The following NPIPB11 variants were observed in gnomAD, a reference collection of about 807,000 sequenced individuals.
NPIPB11 encodes nuclear pore complex-interacting protein family member B11.
A neutral mutation model predicts 32.8 loss-of-function variants in NPIPB11; 17 were observed. The observed-to-expected ratio is 0.52, with a 90% CI of 0.35 to 0.78. NPIPB11 has a LOEUF of 0.78. Ranked by LOEUF, NPIPB11 falls within the 30% of genes least tolerant of loss-of-function variation. The pLI, the probability that NPIPB11 is intolerant of heterozygous loss-of-function variation, is 0.01. For synonymous variants in NPIPB11, 209 were observed against 398.4 expected, an observed-to-expected ratio of 0.52 and a Z score of 5.66; for missense variants, 537 against 1,000.4, an observed-to-expected ratio of 0.54 and a Z score of 6.25.
intron 2 of NPIPB11, among the ~76,000 whole-genome samples, chr16:29,399,844 T>C: frequency 6.6e-6 from 1 of 151,968 alleles, no homozygotes; most frequent in East Asian, 1.9e-4. Flanking sequence ...TTTGGGAGGC[T>C]GAGGCAGGCG....
Position 29,381,457 on chromosome 16 carries a change from T to TCC in NPIPB11, c.3473_3474dup (p.Arg1159GlyfsTer3). ...GCACTGGCCTCTTCTCAGCTCAACC[T>TCC]CCGCCTCTTGGGTTCGGGTGATGAT... On this transcript the variant is annotated frameshift_variant, in exon 8 of 8. Transcript: ENST00000524087. LOFTEE classifies it high-confidence loss of function. 1 of 1,301,880 alleles carries TCC rather than the reference T, an allele frequency of 7.7e-7. No individual in the cohort carries two copies. Among genetic ancestry groups the TCC allele is most frequent in the East Asian group, 2.5e-5 (1 of 39,510 alleles). The allele number at this position is 1,301,880 out of a possible 1,614,324, so 80.6% of individuals were successfully genotyped here.
exon 3 of NPIPB11, chr16:29,394,036 T>G (rs1963787992): frequency 6.3e-7 from 1 of 1,599,406 alleles, no homozygotes; most frequent in Admixed American, 1.7e-5. Context: ...TCCACCAAAG[T>G]CAGTCCCACG....
At chr16:29,382,355 T>G in exon 8 of NPIPB11, 4 of 538,648 alleles carry the variant, frequency 7.4e-6, no homozygotes, top group South Asian at 3.9e-5. Flanking sequence ...GGAAGGGGAG[T>G]GAGCTGACGC....
upstream of NPIPB11, among the ~76,000 whole-genome samples, chr16:29,405,304 C>A (rs1457348801): frequency 6.6e-6 from 1 of 151,718 alleles, no homozygotes; most frequent in Non-Finnish European, 1.5e-5. Flanking sequence ...CTTTTCTGCC[C>A]TCCAAGACTG....
chr16:29,389,367 T>TAAAAA (rs1175211779), intron 5 of NPIPB11, among the ~76,000 whole-genome samples: 22 of 58,630 alleles, frequency 3.8e-4, no homozygotes, highest in Non-Finnish European at 5.7e-4. Context: ...ATCTCAAAAT[T>TAAAAA]AAAAAAAAAA....
chr16:29,399,623 A>C (rs372410800), intron 2 of NPIPB11, among the ~76,000 whole-genome samples: 170 of 151,124 alleles, frequency 1.1e-3, no homozygotes, highest in Admixed American at 3.4e-3. Flanking sequence ...GTTTGAACCC[A>C]GGAGGCAGAG....
At chr16:29,406,163 A>G (rs1964108226), upstream of NPIPB11, among the ~76,000 whole-genome samples, 1 of 152,254 alleles carries the variant, frequency 6.6e-6, no homozygotes, top group Admixed American at 6.5e-5. Context: ...TGGGGAGTCT[A>G]AAGAATGTAT....
At chr16:29,397,445 A>C in intron 2 of NPIPB11, 1 of 1,037,762 alleles carries the variant, frequency 9.6e-7, no homozygotes, top group South Asian at 1.4e-5. Context: ...GCCTGGACTC[A>C]AGTGATCTGC....
chr16:29,402,724 C>CTGTG (rs71214272), intron 2 of NPIPB11, among the ~76,000 whole-genome samples: 4,585 of 119,542 alleles, frequency 0.038, 100 homozygotes, highest in Middle Eastern at 0.05. Context: ...CTCTCTCTCT[C>CTGTG]TGTGTGTGTG....
intron 3 of NPIPB11, among the ~76,000 whole-genome samples, chr16:29,391,848 G>A (rs1376177457): frequency 1.3e-5 from 2 of 151,930 alleles, no homozygotes. Flanking sequence ...GGCCTCCCAA[G>A]TAGCTGGGAT....
At chr16:29,394,429 CTTTTTTTTT>C (rs1248252716) in intron 2 of NPIPB11, among the ~76,000 whole-genome samples, 1 of 122,356 alleles carries the variant, frequency 8.2e-6, no homozygotes, top group Non-Finnish European at 1.7e-5. Flanking sequence ...AAAAAAACCT[CTTTTTTTTT>C]TTTTTTTTTG....
intron 3 of NPIPB11, among the ~76,000 whole-genome samples, 187 bp downstream of exon 3, chr16:29,393,761 T>C (rs959574947): frequency 2.3e-4 from 35 of 152,306 alleles, no homozygotes; most frequent in Admixed American, 1.4e-3. Flanking sequence ...AAACAAACAG[T>C]GACCTATTTA....
At chr16:29,394,429 CTTT>C (rs1248252716) in intron 2 of NPIPB11, among the ~76,000 whole-genome samples, 9 of 122,344 alleles carry the variant, frequency 7.4e-5, no homozygotes, top group Non-Finnish European at 8.5e-5. Flanking sequence ...AAAAAAACCT[CTTT>C]TTTTTTTTTT....
chr16:29,389,367 T>TAAAAAA (rs1175211779), intron 5 of NPIPB11, among the ~76,000 whole-genome samples: 2 of 58,656 alleles, frequency 3.4e-5, no homozygotes, highest in Non-Finnish European at 5.7e-5. Flanking sequence ...ATCTCAAAAT[T>TAAAAAA]AAAAAAAAAA....
At chr16:29,391,579 A>C (rs1338043332) in intron 3 of NPIPB11, among the ~76,000 whole-genome samples, 4 of 151,336 alleles carry the variant, frequency 2.6e-5, no homozygotes, top group African/African-American at 9.7e-5. Flanking sequence ...CTAATGACTG[A>C]ATTCCCACCA....
chr16:29,395,841 G>T (rs1963840213), intron 2 of NPIPB11, among the ~76,000 whole-genome samples: 1 of 150,870 alleles, frequency 6.6e-6, no homozygotes, highest in Non-Finnish European at 1.5e-5. Flanking sequence ...AGCAGGGCAT[G>T]GTGGCACGCG....
exon 8 of NPIPB11, chr16:29,383,028 C>A (rs138595165): frequency 6.4e-7 from 1 of 1,569,112 alleles, no homozygotes; most frequent in Non-Finnish European, 8.6e-7. Flanking sequence ...CATCCGCTGA[C>A]GGTGGAAGCG....
At chr16:29,392,192 G>C (rs1434292249) in intron 3 of NPIPB11, among the ~76,000 whole-genome samples, 1 of 152,124 alleles carries the variant, frequency 6.6e-6, no homozygotes, top group Non-Finnish European at 1.5e-5. Context: ...AGGAAAGGTA[G>C]CTGGCCCAGT....
Position 29,383,028 on chromosome 16 carries a change from C to G in NPIPB11, c.1904G>C (p.Arg635Pro), listed in dbSNP as rs138595165. ...GTGTCTTGAGATTATCATCCGCTGACGGTGGAAGCGGAACCCGCAGATGCT... is the reference window on the plus strand; with the variant it reads ...GTGTCTTGAGATTATCATCCGCTGAGGGTGGAAGCGGAACCCGCAGATGCT... The change falls in exon 8 of 8, where the codon CGT becomes CCT. Residue 635 changes from arginine (R) to proline (P), a missense_variant. By Grantham distance (103) the Arg-to-Pro change is moderately radical. Coordinates refer to ENST00000524087, the Ensembl canonical transcript of NPIPB11. The G allele has an allele frequency of 9.9e-5, 155 of 1,569,418 alleles. 4 individuals are homozygous for G. Among genetic ancestry groups the G allele is most frequent in the African/African-American group, 4.4e-4 (28 of 63,882 alleles).
Sources: allele counts gnomAD v4.1 joint callset (sites outside exome capture counted in the v4.1 genomes callset), GRCh38; gene constraint gnomAD v4.1.1; transcripts MANE v1.5; gene names NCBI Gene and HGNC (gene_info 2026-07-23, HGNC 2026-07-21).